TMTC2: variants seen among roughly 807,000 people sequenced by gnomAD.
TMTC2 encodes transmembrane O-mannosyltransferase targeting cadherins 2.
Under a neutral mutation model 82.4 loss-of-function variants are expected in TMTC2, and 43 were observed. The ratio of observed to expected loss-of-function variants is 0.52; its 90% confidence interval spans 0.41 to 0.67. The LOEUF (loss-of-function observed/expected upper bound fraction) is 0.67. TMTC2 is among the 30% of genes least tolerant of loss of function. The pLI, the probability that TMTC2 is intolerant of heterozygous loss-of-function variation, is 0.00. For missense variants in TMTC2, 919 were observed against 1,012.4 expected (o/e 0.91, Z 1.25); for synonymous variants, 408 against 381.9 (o/e 1.07, Z -0.80).
intron 11 of TMTC2, among the ~76,000 whole-genome samples, chr12:83,085,285 G>A (rs79963731): frequency 2.6e-5 from 4 of 152,098 alleles, no homozygotes; most frequent in South Asian, 2.1e-4. Flanking sequence ...CTGACTTCCC[G>A]TGACAGATAA....
At chr12:82,793,929 A>G (rs531946370) in intron 1 of TMTC2, among the ~76,000 whole-genome samples, 1 of 152,290 alleles carries the variant, frequency 6.6e-6, no homozygotes, top group Admixed American at 6.5e-5. Flanking sequence ...GCGACTTGGG[A>G]AAATGACTCA....
intron 1 of TMTC2, among the ~76,000 whole-genome samples, chr12:82,800,343 C>T (rs137897875): frequency 1.3e-3 from 205 of 152,242 alleles, no homozygotes; most frequent in South Asian, 3.9e-3. Context: ...ACATCTGGCT[C>T]GTTACCTTGC....
At chr12:82,892,570 GCTAA>G (rs1182667854) in intron 2 of TMTC2, among the ~76,000 whole-genome samples, 1 of 152,100 alleles carries the variant, frequency 6.6e-6, no homozygotes, top group African/African-American at 2.4e-5. Flanking sequence ...CATTGTTAAG[GCTAA>G]CTACTTCTGG....
chr12:83,080,085 T>G (rs1032944215), intron 11 of TMTC2, among the ~76,000 whole-genome samples: 4 of 152,188 alleles, frequency 2.6e-5, no homozygotes, highest in African/African-American at 9.7e-5. Flanking sequence ...TATTTTCCAG[T>G]ATACTGATTG....
At chr12:83,058,548 A>C (rs1445222327) in intron 10 of TMTC2, among the ~76,000 whole-genome samples, 2 of 151,802 alleles carry the variant, frequency 1.3e-5, no homozygotes, top group African/African-American at 4.8e-5. Context: ...CTGAGTCTCC[A>C]GTTGTTGTCT....
At chr12:83,001,989 C>T (rs1348443991) in intron 8 of TMTC2, among the ~76,000 whole-genome samples, 1 of 152,290 alleles carries the variant, frequency 6.6e-6, no homozygotes, top group East Asian at 1.9e-4. Context: ...ATGATGCTGG[C>T]TTCATAGAAT....
At chr12:83,082,357 A>C (rs1471393196) in intron 11 of TMTC2, among the ~76,000 whole-genome samples, 1 of 151,792 alleles carries the variant, frequency 6.6e-6, no homozygotes. Flanking sequence ...TAGACAAGTC[A>C]GAGTCCCTTA....
chr12:83,126,270 C>T (rs1885093920), intron 11 of TMTC2, among the ~76,000 whole-genome samples: 1 of 151,994 alleles, frequency 6.6e-6, no homozygotes, highest in African/African-American at 2.4e-5. Flanking sequence ...GACTGTTAAG[C>T]ACCAATTTCA....
intron 3 of TMTC2, among the ~76,000 whole-genome samples, chr12:82,919,108 T>A (rs1415698371): frequency 6.6e-6 from 1 of 152,218 alleles, no homozygotes; most frequent in Non-Finnish European, 1.5e-5. Flanking sequence ...CTCACAGTTT[T>A]AGAGACTGGG....
intron 11 of TMTC2, among the ~76,000 whole-genome samples, chr12:83,131,353 T>C (rs1332584984): frequency 6.6e-6 from 1 of 152,212 alleles, no homozygotes; most frequent in Non-Finnish European, 1.5e-5. Flanking sequence ...AATTTGGGGA[T>C]GAAAACCTTT....
At chr12:82,767,374 A>G (rs1877029591) in intron 1 of TMTC2, among the ~76,000 whole-genome samples, 1 of 152,206 alleles carries the variant, frequency 6.6e-6, no homozygotes, top group Admixed American at 6.5e-5. Flanking sequence ...GCTTGAGTCC[A>G]GGCATTTGAG....
chr12:82,991,124 T>G (rs1250747351), intron 8 of TMTC2, among the ~76,000 whole-genome samples: 3 of 152,198 alleles, frequency 2.0e-5, no homozygotes, highest in African/African-American at 7.2e-5. Context: ...TTCAAAGGTT[T>G]GAGGAACATC....
intron 1 of TMTC2, among the ~76,000 whole-genome samples, chr12:82,777,978 T>A (rs999789954): frequency 2.0e-5 from 3 of 152,106 alleles, no homozygotes; most frequent in African/African-American, 7.2e-5. Context: ...AGTGACTCAA[T>A]TTTATTTTCA....
At chr12:82,693,319 C>A (rs931325538) in intron 1 of TMTC2, among the ~76,000 whole-genome samples, 1 of 152,188 alleles carries the variant, frequency 6.6e-6, no homozygotes, top group African/African-American at 2.4e-5. Context: ...AAAACACTCA[C>A]TCCTAAGATT....
At chr12:82,875,374 G>GTATA (rs1555193327) in intron 2 of TMTC2, among the ~76,000 whole-genome samples, 1 of 150,746 alleles carries the variant, frequency 6.6e-6, no homozygotes, top group African/African-American at 2.5e-5. Context: ...ATATATGTGT[G>GTATA]TATATATATA....
chr12:82,960,977 C>A (rs1243332255), intron 4 of TMTC2, among the ~76,000 whole-genome samples: 1 of 151,752 alleles, frequency 6.6e-6, no homozygotes, highest in African/African-American at 2.4e-5. Context: ...AATTACAGGT[C>A]CTCATGTATA....
At chr12:82,781,891 G>A (rs1385520025) in intron 1 of TMTC2, among the ~76,000 whole-genome samples, 1 of 151,664 alleles carries the variant, frequency 6.6e-6, no homozygotes, top group East Asian at 1.9e-4. Flanking sequence ...CATTCCTGGG[G>A]CCTGTTTAAT....
intron 1 of TMTC2, among the ~76,000 whole-genome samples, chr12:82,844,949 C>T (rs865876887): frequency 2.6e-5 from 4 of 151,418 alleles, no homozygotes; most frequent in African/African-American, 9.7e-5. Context: ...TGTAAGGGGC[C>T]GGGTGCGGTG....
chr12:82,968,515 T>A (rs751003683), intron 7 of TMTC2, among the ~76,000 whole-genome samples: 10 of 152,166 alleles, frequency 6.6e-5, no homozygotes, highest in Non-Finnish European at 1.0e-4. Context: ...TATTCTTAAT[T>A]CTAGTGCTTC....
Sources: allele counts gnomAD v4.1 joint callset (sites outside exome capture counted in the v4.1 genomes callset), GRCh38; gene constraint gnomAD v4.1.1; transcripts MANE v1.5; gene names NCBI Gene and HGNC (gene_info 2026-07-23, HGNC 2026-07-21).